The following LDHC variants were observed in gnomAD, a reference collection of about 807,000 sequenced individuals.
LDHC encodes the protein lactate dehydrogenase C.
Under a neutral mutation model 30.2 loss-of-function variants are expected in LDHC, and 20 were observed. The ratio of observed to expected loss-of-function variants is 0.66; its 90% CI spans 0.47 to 0.96. The LOEUF is 0.96. Ranked by LOEUF, LDHC falls within the 40% of genes least tolerant of loss-of-function variation. The pLI is 0.00. For missense variants in LDHC, 362 were observed against 394.9 expected (o/e 0.92, Z 0.71); for synonymous variants, 139 against 132.7 (o/e 1.05, Z -0.32).
chr11:18,426,526 CA>C (rs33993685), intron 3 of LDHC, among the ~76,000 whole-genome samples: 126 of 111,508 alleles, frequency 1.1e-3, no homozygotes, highest in South Asian at 3.4e-3. Context: ...GACTCCGTCT[CA>C]AAAAAAAAAA....
In LDHC at chr11:18,412,795, T is replaced by C; in HGVS notation, c.78T>C (p.Val26=). 2 of 1,614,076 alleles carry C rather than the reference T, an allele frequency of 1.2e-6. No homozygotes were observed. The highest frequency in any genetic ancestry group is 1.7e-6 in the Non-Finnish European group (2 of 1,179,912). Residue 26 remains valine (V), a synonymous_variant, in exon 2 of 8, where the codon GTT becomes GTC. Coordinates refer to ENST00000541669, the MANE Select transcript of LDHC (RefSeq NM_017448.5). ...ACTCCCAGTGTAAAATTACTATTGT[T>C]GGAACTGGTGCCGTAGGCATGGCTT... is the stretch of plus-strand genomic sequence containing the variant. ...DENSQCKITI[V]GTGAVGMACA...
intron 5 of LDHC, among the ~76,000 whole-genome samples, 156 bp from the exon 6 acceptor site, chr11:18,438,372 C>G (rs1330914279): frequency 6.6e-6 from 1 of 152,130 alleles, no homozygotes; most frequent in East Asian, 1.9e-4. Flanking sequence ...CACTTCCCAC[C>G]CCCAACACTA....
At chr11:18,424,440 A>G (rs1848126400) in intron 3 of LDHC, among the ~76,000 whole-genome samples, 1 of 152,266 alleles carries the variant, frequency 6.6e-6, no homozygotes, top group East Asian at 1.9e-4. Context: ...GAACATGAAC[A>G]TATCCCACAA....
At chr11:18,445,153 C>G (rs73440614) in intron 6 of LDHC, among the ~76,000 whole-genome samples, 20,660 of 151,768 alleles carry the variant, frequency 0.14, 1,500 homozygotes, top group Middle Eastern at 0.2. Flanking sequence ...ATACACACAG[C>G]TTACAACTGT....
intron 4 of LDHC, among the ~76,000 whole-genome samples, chr11:18,432,567 GTCCCCAC>G (rs1848286540): frequency 6.8e-6 from 1 of 147,460 alleles, no homozygotes; most frequent in South Asian, 2.1e-4. Flanking sequence ...GAGTATTGAA[GTCCCCAC>G]TATTATTGTG....
At chr11:18,443,269 G>C (rs1848496769) in intron 6 of LDHC, among the ~76,000 whole-genome samples, 1 of 151,958 alleles carries the variant, frequency 6.6e-6, no homozygotes, top group African/African-American at 2.4e-5. Flanking sequence ...AATAAATGCA[G>C]GGATCTAACT....
At position 18,415,172 on chromosome 11, in the gene LDHC, T is replaced by A; in HGVS notation, c.127-12T>A. 6.7e-7 allele frequency: 1 copy of A among 1,486,670 alleles called. No individual in the cohort carries two copies. Among genetic ancestry groups the A allele is most frequent in the Non-Finnish European group, 9.3e-7 (1 of 1,074,122 alleles). The allele number at this position is 1,486,670 out of a possible 1,614,324, so 92.1% of individuals were successfully genotyped here. Reference sequence around the variant, plus strand: ...GTAGGAACATTTTATTCAGAACTTTTGTATATTTTAGGATTTGGCTGATGA... The same window carrying A: ...GTAGGAACATTTTATTCAGAACTTTAGTATATTTTAGGATTTGGCTGATGA... On this transcript the variant is annotated splice_polypyrimidine_tract_variant and intron_variant, in intron 2 of 7. Transcript: ENST00000541669.
At chr11:18,418,309 C>T (rs1867058874) in intron 3 of LDHC, among the ~76,000 whole-genome samples, 1 of 148,456 alleles carries the variant, frequency 6.7e-6, no homozygotes, top group African/African-American at 2.5e-5. Flanking sequence ...AGTACATAGA[C>T]ATACTAGATA....
At chr11:18,414,434 A>C (rs539257574) in intron 2 of LDHC, among the ~76,000 whole-genome samples, 3 of 152,204 alleles carry the variant, frequency 2.0e-5, no homozygotes, top group Non-Finnish European at 2.9e-5. Context: ...GATGAAAACA[A>C]TAAGTGTTCA....
At chr11:18,423,015 GA>G (rs35017114) in intron 3 of LDHC, among the ~76,000 whole-genome samples, 75,184 of 147,070 alleles carry the variant, frequency 0.51, 20,454 homozygotes, top group South Asian at 0.65. Context: ...AAAACTCAAA[GA>G]ATATATTATC....
intron 5 of LDHC, among the ~76,000 whole-genome samples, chr11:18,437,508 T>TTC (rs767613570): frequency 2.0e-5 from 3 of 151,836 alleles, no homozygotes; most frequent in Non-Finnish European, 4.4e-5. Flanking sequence ...ATCCCAGCAC[T>TTC]TTGGGAGGCT....
intron 6 of LDHC, among the ~76,000 whole-genome samples, chr11:18,444,660 G>T (rs1848525393): frequency 2.5e-5 from 3 of 118,948 alleles, no homozygotes; most frequent in Non-Finnish European, 3.7e-5. Flanking sequence ...GCCTTATCTT[G>T]GCAACCAAGT....
chr11:18,429,840 A>G lies in LDHC; in HGVS notation c.348A>G (p.Ile116Met). Residue 116 changes from isoleucine to methionine, a missense_variant, in exon 4 of 8, where the codon ATA becomes ATG. Coordinates refer to ENST00000541669, the MANE Select transcript of LDHC (RefSeq NM_017448.5). The part of the protein sequence containing the change: ...RLALVQRNVA[I>M]MKSIIPAIVH... Reference sequence around the variant, plus strand: ...CCCTGGTCCAACGTAATGTGGCTATAATGAAATCAATCATTCCTGCCATAG... The same window carrying G: ...CCCTGGTCCAACGTAATGTGGCTATGATGAAATCAATCATTCCTGCCATAG... 2 of 1,612,684 alleles carry G rather than the reference A, an allele frequency of 1.2e-6. No homozygotes were observed. Among genetic ancestry groups the G allele is most frequent in the Non-Finnish European group, 8.5e-7 (1 of 1,178,676 alleles).
At chr11:18,436,674 C>CAGGG (rs1398577560) in intron 5 of LDHC, among the ~76,000 whole-genome samples, 1 of 151,740 alleles carries the variant, frequency 6.6e-6, no homozygotes, top group East Asian at 1.9e-4. Context: ...TTAGTAGAGA[C>CAGGG]AGGGTTTCTC....
At chr11:18,440,809 G>T (rs2133841940) in intron 6 of LDHC, among the ~76,000 whole-genome samples, 1 of 151,864 alleles carries the variant, frequency 6.6e-6, no homozygotes, top group Admixed American at 6.6e-5. Flanking sequence ...TATGTCTGTA[G>T]TCCCAGCTAC....
chr11:18,429,809 G>T lies in LDHC; in HGVS notation c.317G>T (p.Arg106Leu), dbSNP rs200332423. ...GCAAGGCAGCAGGAGGGAGAAACTC[G>T]CCTTGCCCTGGTCCAACGTAATGTG... The part of the protein sequence containing the change: ...AGARQQEGET[R>L]LALVQRNVAI... The change falls in exon 4 of 8, where the codon CGC (arginine) becomes CTC (leucine). Residue 106 changes from arginine (R) to leucine (L), a missense_variant. Transcript: ENST00000541669. 1.2e-6 allele frequency: 2 copies of T among 1,612,406 alleles called. No homozygotes were observed. Among genetic ancestry groups the T allele is most frequent in the Non-Finnish European group, 1.7e-6 (2 of 1,178,482 alleles).
intron 6 of LDHC, among the ~76,000 whole-genome samples, chr11:18,439,712 C>G (rs1044529665): frequency 6.7e-6 from 1 of 149,838 alleles, no homozygotes; most frequent in African/African-American, 2.5e-5. Flanking sequence ...TGGTGGCTCA[C>G]GCCTATAATC....
intron 5 of LDHC, among the ~76,000 whole-genome samples, chr11:18,436,479 A>G (rs991924335): frequency 2.4e-5 from 3 of 124,924 alleles, no homozygotes; most frequent in Non-Finnish European, 4.8e-5. Context: ...GGATAATACA[A>G]AGTTTTTTTT....
At chr11:18,419,345 A>G (rs1437402717) in intron 3 of LDHC, among the ~76,000 whole-genome samples, 1 of 152,226 alleles carries the variant, frequency 6.6e-6, no homozygotes, top group East Asian at 1.9e-4. Context: ...CTATACCGTT[A>G]ATGTAATGAT....
Sources: allele counts gnomAD v4.1 joint callset (sites outside exome capture counted in the v4.1 genomes callset), GRCh38; gene constraint gnomAD v4.1.1; transcripts MANE v1.5; gene names NCBI Gene and HGNC (gene_info 2026-07-23, HGNC 2026-07-21).